The following KCNJ12 variants were observed in gnomAD, a reference collection of about 807,000 sequenced individuals.
KCNJ12 encodes potassium inwardly rectifying channel subfamily J member 12, also known as ATP-sensitive inward rectifier potassium channel 12.
Under a neutral mutation model 22.3 loss-of-function variants are expected in KCNJ12, and 2 were observed. The observed-to-expected ratio is 0.09, with a 90% confidence interval of 0.04 to 0.28. The LOEUF (loss-of-function observed/expected upper bound fraction) is 0.28, where lower values mean the gene tolerates loss of function less well. Ranked by LOEUF, KCNJ12 falls within the 10% of genes least tolerant of loss-of-function variation. The pLI is 1.00. For missense variants in KCNJ12, 155 were observed against 633.3 expected (o/e 0.24, Z 8.11); for synonymous variants, 117 against 261.4 (o/e 0.45, Z 5.33).
chr17:21,410,950 G>T (rs575443627), intron 2 of KCNJ12, among the ~76,000 whole-genome samples: 422 of 151,856 alleles, frequency 2.8e-3, no homozygotes, highest in Non-Finnish European at 4.9e-3. Context: ...ACTGAGTGCT[G>T]TGTTCGTGCC....
chr17:21,406,926 T>G (rs1243880796), intron 1 of KCNJ12, among the ~76,000 whole-genome samples: 2 of 152,282 alleles, frequency 1.3e-5, no homozygotes, highest in Non-Finnish European at 2.9e-5. Flanking sequence ...CTTCTCTGAT[T>G]CTCACGGCAC....
At chr17:21,413,754 G>C (rs1357623290) in intron 2 of KCNJ12, among the ~76,000 whole-genome samples, 1 of 152,312 alleles carries the variant, frequency 6.6e-6, no homozygotes, top group Non-Finnish European at 1.5e-5. Flanking sequence ...CAGTGGCTGA[G>C]AGCAGGCTTT....
intron 1 of KCNJ12, among the ~76,000 whole-genome samples, chr17:21,382,114 G>C (rs191064462): frequency 1.2e-4 from 18 of 152,362 alleles, no homozygotes; most frequent in Admixed American, 8.5e-4. Context: ...GTGGGAGGGA[G>C]TTGGGGCTTC....
chr17:21,406,451 G>A (rs1489302484), intron 1 of KCNJ12, among the ~76,000 whole-genome samples: 1 of 152,308 alleles, frequency 6.6e-6, no homozygotes, highest in Admixed American at 6.5e-5. Context: ...GTCCCCATCA[G>A]TTTTGAGGAT....
intron 1 of KCNJ12, among the ~76,000 whole-genome samples, chr17:21,403,318 TG>T (rs1854578334): frequency 6.6e-6 from 1 of 152,312 alleles, no homozygotes; most frequent in African/African-American, 2.4e-5. Context: ...ATTAAGCACA[TG>T]GGTCCGATTT....
intron 2 of KCNJ12, among the ~76,000 whole-genome samples, chr17:21,413,665 C>T (rs1212517008): frequency 5.2e-5 from 8 of 152,414 alleles, no homozygotes; most frequent in East Asian, 3.9e-4. Context: ...CTTGCAGATG[C>T]CCTAGCCTGT....
rs1388057607 is a variant in KCNJ12, at chr17:21,419,486, C to T, written c.*2842C>T. On this transcript the variant is annotated 3_prime_UTR_variant, in exon 3 of 3. Transcript: ENST00000583088. ...TATGCACGTCTGCTCCTGAGTGGAGCTTGTGTTCCAGGATGAGACATCTGG... is the reference window on the plus strand; with the variant it reads ...TATGCACGTCTGCTCCTGAGTGGAGTTTGTGTTCCAGGATGAGACATCTGG... 6.0e-6 allele frequency: 1 copy of T among 167,156 alleles called. No homozygotes were observed. The highest frequency in any genetic ancestry group is 1.5e-5 in the Non-Finnish European group (1 of 68,190). 10.4% of individuals were successfully genotyped at this position (167,156 alleles called of 1,614,324 possible). A position where few individuals can be genotyped will look rare whatever the true frequency, so the allele number is the denominator to read the frequency against.
At chr17:21,400,337 T>C (rs79080618) in intron 1 of KCNJ12, among the ~76,000 whole-genome samples, 7 of 152,426 alleles carry the variant, frequency 4.6e-5, no homozygotes, top group East Asian at 1.9e-4. Flanking sequence ...GGCTGGGGAC[T>C]CTGCTCTTGT....
intron 2 of KCNJ12, among the ~76,000 whole-genome samples, chr17:21,411,086 G>A (rs1428107838): frequency 6.6e-6 from 1 of 152,312 alleles, no homozygotes; most frequent in African/African-American, 2.4e-5. Flanking sequence ...CTTCCGGTCA[G>A]TGCTTTCTTG....
intron 1 of KCNJ12, among the ~76,000 whole-genome samples, chr17:21,383,157 G>C (rs527963620): frequency 6.6e-6 from 1 of 152,324 alleles, no homozygotes; most frequent in African/African-American, 2.4e-5. Flanking sequence ...GGTCAAGGGG[G>C]ATGGAGTGGC....
At chr17:21,387,440 CAAAA>C (rs782125409) in intron 1 of KCNJ12, among the ~76,000 whole-genome samples, 4 of 36,534 alleles carry the variant, frequency 1.1e-4, no homozygotes, top group Non-Finnish European at 1.9e-4. Context: ...GACTCTATCT[CAAAA>C]AAAAAAAAAA....
intron 2 of KCNJ12, among the ~76,000 whole-genome samples, chr17:21,410,447 C>T (rs1360600579): frequency 2.0e-5 from 3 of 152,232 alleles, no homozygotes; most frequent in Non-Finnish European, 4.4e-5. Flanking sequence ...CTGGGCGAGG[C>T]TGGAGCAGGC....
At chr17:21,379,989 G>A (rs561465757) in intron 1 of KCNJ12, among the ~76,000 whole-genome samples, 2 of 152,264 alleles carry the variant, frequency 1.3e-5, no homozygotes, top group South Asian at 4.1e-4. Flanking sequence ...GGCACTGGAG[G>A]CACCAGCCTG....
intron 1 of KCNJ12, among the ~76,000 whole-genome samples, chr17:21,392,755 G>A (rs1398599970): frequency 6.6e-6 from 1 of 152,236 alleles, no homozygotes; most frequent in Non-Finnish European, 1.5e-5. Context: ...ACAGCATTTG[G>A]GCAGTATAGA....
chr17:21,394,492 G>A lies in KCNJ12; in HGVS notation c.-178-14027G>A, dbSNP rs76895196. 4.4e-3 allele frequency among the ~76,000 whole-genome samples: 665 copies of A among 152,286 alleles called. 3 individuals carry two copies. The highest frequency in any genetic ancestry group is 6.8e-3 in the Middle Eastern group (2 of 294). On this transcript the variant is annotated intron_variant, in intron 1 of 2. Transcript: ENST00000583088. ...AGCATGTATTCCATCGTTAATCGAGGCATGACTGTATGGTACTCAGGGGCT... is the reference window on the plus strand; with the variant it reads ...AGCATGTATTCCATCGTTAATCGAGACATGACTGTATGGTACTCAGGGGCT...
chr17:21,377,078 C>T (rs1352148776), intron 1 of KCNJ12, among the ~76,000 whole-genome samples, 165 bp downstream of exon 1: 9 of 152,300 alleles, frequency 5.9e-5, no homozygotes, highest in African/African-American at 1.9e-4. Context: ...TTTTTTCCCT[C>T]CCTTGGTGAG....
chr17:21,399,677 G>T (rs1905504494), intron 1 of KCNJ12, among the ~76,000 whole-genome samples: 1 of 152,128 alleles, frequency 6.6e-6, no homozygotes, highest in South Asian at 2.1e-4. Context: ...GGAGGAGGTG[G>T]TCCAAGCCAG....
chr17:21,411,711 A>G (rs1906359369), intron 2 of KCNJ12, among the ~76,000 whole-genome samples: 1 of 152,214 alleles, frequency 6.6e-6, no homozygotes, highest in African/African-American at 2.4e-5. Context: ...CCAGCAAAAC[A>G]GTTTCTCTGA....
Position 21,376,706 on chromosome 17 carries a change from C to G in KCNJ12, c.-386C>G, listed in dbSNP as rs1904665458. 1 of 151,590 alleles carries G rather than the reference C, an allele frequency of 6.6e-6. No homozygotes were observed. The highest frequency in any genetic ancestry group is 6.6e-5 in the Admixed American group (1 of 15,218). 9.4% of individuals were successfully genotyped at this position (151,590 alleles called of 1,614,324 possible). ...GCGCCCAGCGGCCGGGGGCGCCGTC[C>G]AGGCGCGCGCCCCCGACCCGTGGCT... On this transcript the variant is annotated 5_prime_UTR_variant, in exon 1 of 3. Transcript: ENST00000583088. The surrounding 1 kb of genome is among the most constrained non-coding windows in gnomAD (Gnocchi z 5.3).
Sources: gnomAD v4.1 joint callset for allele counts (sites outside exome capture counted in the v4.1 genomes callset) on GRCh38, gnomAD v4.1.1 for gene constraint, Gnocchi (gnomAD v3.1) non-coding constraint, MANE v1.5 for transcripts, NCBI Gene and HGNC (gene_info 2026-07-23, HGNC 2026-07-21) for gene names.